Variants in CYP46A1 observed in about 807,000 individuals in gnomAD.
CYP46A1 encodes the protein cholesterol 24-hydroxylase.
CYP46A1 carries 20 observed loss-of-function variants against 63.3 expected under a neutral mutation model. The observed-to-expected ratio is 0.32, with a 90% CI of 0.22 to 0.46. The LOEUF (loss-of-function observed/expected upper bound fraction) is 0.46, where lower values mean the gene tolerates loss of function less well. CYP46A1 is among the 20% of genes least tolerant of loss of function. The pLI, the probability that CYP46A1 is intolerant of heterozygous loss-of-function variation, is 1.00. For missense variants in CYP46A1, 445 were observed against 670.8 expected (o/e 0.66, Z 3.72); for synonymous variants, 268 against 273.6 (o/e 0.98, Z 0.20).
chr14:99,686,770 G>T (rs543269965), intron 1 of CYP46A1, among the ~76,000 whole-genome samples: 1 of 152,182 alleles, frequency 6.6e-6, no homozygotes, highest in South Asian at 2.1e-4. Context: ...AGGGAGCAGT[G>T]GGAGGAAGAT....
At chr14:99,712,011 AT>A (rs1324870457) in intron 7 of CYP46A1, 1 of 152,218 alleles carries the variant, frequency 6.6e-6, no homozygotes, top group East Asian at 1.9e-4. Context: ...TATACATCAT[AT>A]TAACAGGATG....
chr14:99,721,109 A>T, intron 10 of CYP46A1, 130 bp from the exon 11 acceptor site: 1 of 689,538 alleles, frequency 1.5e-6, no homozygotes, highest in Non-Finnish European at 2.6e-6. Context: ...AGCTACAAGT[A>T]ACAGTGTTTG....
At chr14:99,707,704 GACCA>G in intron 7 of CYP46A1, 26 bp downstream of exon 7, 1 of 1,604,434 alleles carries the variant, frequency 6.2e-7, no homozygotes, top group Non-Finnish European at 8.5e-7. Context: ...CCCCTCTGGT[GACCA>G]GCCACCAGAG....
intron 7 of CYP46A1, 96 bp from the exon 8 acceptor site, chr14:99,715,714 T>C (rs753351545): frequency 1.3e-4 from 204 of 1,532,208 alleles, no homozygotes; most frequent in Non-Finnish European, 1.8e-4. Flanking sequence ...CCTCCCAGCT[T>C]GCCAGTGCCG....
rs540821243 is a variant in CYP46A1, at chr14:99,700,113, C to T, written c.443+12C>T. ...GCCTTCAGCCGGAGGTGAGTGTGGCCGGAGGCTCCGTGGCTCCTGCCTGGC... is the reference window on the plus strand; with the variant it reads ...GCCTTCAGCCGGAGGTGAGTGTGGCTGGAGGCTCCGTGGCTCCTGCCTGGC... On this transcript the variant is annotated intron_variant, in intron 5 of 14. Transcript: ENST00000261835. The T allele has an allele frequency of 5.1e-5, 81 of 1,585,002 alleles. No homozygotes were observed. In the South Asian group the frequency reaches 7.6e-4, roughly 15 times the overall value.
At position 99,715,901 on chromosome 14, in the gene CYP46A1, G is replaced by A. The variant is rs151175005; in HGVS notation, c.785G>A (p.Arg262Gln). 72 of 1,613,762 alleles carry A rather than the reference G, an allele frequency of 4.5e-5. No individual in the cohort carries two copies. Among genetic ancestry groups the A allele is most frequent in the Admixed American group, 1.3e-4 (8 of 59,986 alleles). Residue 262 changes from arginine to glutamine, a missense_variant, in exon 8 of 15, where the codon CGG becomes CAG. Physicochemically the swap from Arg to Gln is conservative, Grantham distance 43 (BLOSUM62 1). Coordinates refer to ENST00000261835, the MANE Select transcript of CYP46A1 (RefSeq NM_006668.2). ...QVGRDWVQRR[R>Q]EALKRGEEVP... ...GGCAGGGACTGGGTCCAGCGCCGCC[G>A]GGAAGCCCTGAAGAGGGGCGAGGAG...
At chr14:99,690,764 G>T (rs1157469955) in intron 1 of CYP46A1, among the ~76,000 whole-genome samples, 1 of 152,112 alleles carries the variant, frequency 6.6e-6, no homozygotes, top group Admixed American at 6.5e-5. Flanking sequence ...TGCCCAGCCT[G>T]GTCAGTATTG....
chr14:99,716,648 C>T (rs1169654926), intron 9 of CYP46A1, among the ~76,000 whole-genome samples: 3 of 152,244 alleles, frequency 2.0e-5, no homozygotes, highest in Non-Finnish European at 4.4e-5. Flanking sequence ...GCCTCAGGCA[C>T]TCAGCTAGAA....
chr14:99,721,491 A>G (rs1181047029), intron 11 of CYP46A1, among the ~76,000 whole-genome samples, 168 bp downstream of exon 11: 1 of 152,174 alleles, frequency 6.6e-6, no homozygotes, highest in Non-Finnish European at 1.5e-5. Flanking sequence ...GACTAATGAC[A>G]TCAGAGTCAA....
At position 99,706,452 on chromosome 14, in the gene CYP46A1, T is replaced by C. The variant is rs73350432; in HGVS notation, c.444-195T>C. 3,296 of 608,386 alleles carry C rather than the reference T, an allele frequency of 5.4e-3. 56 individuals carry two copies. The highest frequency in any genetic ancestry group is 0.038 in the African/African-American group (2,054 of 54,038). The allele number at this position is 608,386 out of a possible 1,614,324, so 37.7% of individuals were successfully genotyped here. A position where few individuals can be genotyped will look rare whatever the true frequency, so the allele number is the denominator to read the frequency against. On this transcript the variant is annotated intron_variant, in intron 5 of 14. Transcript: ENST00000261835. The stretch of plus-strand genomic sequence containing the variant: ...AGCATCCATCCTGAGTGGAGGAGAA[T>C]GGTGAAACCCCAGGGTGTAGTTCAG...
intron 5 of CYP46A1, among the ~76,000 whole-genome samples, chr14:99,703,208 G>A (rs527667912): frequency 2.4e-4 from 37 of 152,212 alleles, no homozygotes; most frequent in Non-Finnish European, 5.0e-4. Context: ...TGTTAAGTTT[G>A]CACAGTGGTT....
intron 5 of CYP46A1, among the ~76,000 whole-genome samples, chr14:99,705,587 A>G (rs1283043332): frequency 6.6e-6 from 1 of 152,256 alleles, no homozygotes; most frequent in Non-Finnish European, 1.5e-5. Flanking sequence ...TAAGAATAGG[A>G]CAAAGAATAC....
intron 11 of CYP46A1, 82 bp downstream of exon 11, chr14:99,721,405 A>G (rs1420730279): frequency 1.0e-6 from 1 of 1,004,320 alleles, no homozygotes; most frequent in East Asian, 2.4e-5. Flanking sequence ...ACCTTTCAGG[A>G]CAGTGGTTCT....
chr14:99,719,782 G>A (rs1335451964), intron 10 of CYP46A1, among the ~76,000 whole-genome samples: 9 of 108,004 alleles, frequency 8.3e-5, no homozygotes, highest in Non-Finnish European at 7.2e-5. Flanking sequence ...TTTTTTTTAA[G>A]ACAGAGTCTC....
At chr14:99,705,941 T>A (rs1383597161) in intron 5 of CYP46A1, 5 of 151,954 alleles carry the variant, frequency 3.3e-5, no homozygotes, top group Admixed American at 1.3e-4. Context: ...AATAAATAAA[T>A]AAAAATAACA....
At chr14:99,686,381 C>T (rs2056494490) in intron 1 of CYP46A1, among the ~76,000 whole-genome samples, 1 of 152,178 alleles carries the variant, frequency 6.6e-6, no homozygotes, top group Non-Finnish European at 1.5e-5. Flanking sequence ...AAAATGTATT[C>T]TTTAGTGTAT....
chr14:99,722,675 G>GCC lies in CYP46A1; in HGVS notation c.1176+609_1176+610insCC, dbSNP rs941017822. ...TGTGTGTGTGTGTGTGTGTGTGTGT[G>GCC]TGTGCCTGTGTGCATTCACGCAGTA... On this transcript the variant is annotated intron_variant, in intron 12 of 14. Transcript: ENST00000261835. This position sits in a 1 kb window ranked among gnomAD's most constrained non-coding sequence, Gnocchi z 4.6. Among the ~76,000 whole-genome samples the GCC allele has an allele frequency of 1.3e-5, 2 of 151,400 alleles. No individual in the cohort carries two copies. The highest frequency in any genetic ancestry group is 4.9e-5 in the African/African-American group (2 of 40,956).
Position 99,718,109 on chromosome 14 carries a change from G to A in CYP46A1, c.963G>A (p.Gln321=). 2 of 1,614,142 alleles carry A rather than the reference G, an allele frequency of 1.2e-6. No homozygotes were observed. The highest frequency in any genetic ancestry group is 1.7e-6 in the Non-Finnish European group (2 of 1,179,972). Residue 321 remains glutamine, a synonymous_variant, in exon 10 of 15, where the codon CAG becomes CAA. Coordinates refer to ENST00000261835, the MANE Select transcript of CYP46A1 (RefSeq NM_006668.2). ...TCACAGTGATGGAGCTGTCTCGCCA[G>A]CCAGAGATCGTGGCAAGGTATGGGG... ...LAFTVMELSR[Q]PEIVARLQAE...
intron 4 of CYP46A1, 51 bp from the exon 5 acceptor site, chr14:99,699,964 C>CGGGGGGGGGGGGGG: frequency 5.2e-6 from 4 of 773,846 alleles, no homozygotes; most frequent in Non-Finnish European, 4.2e-6. Context: ...ATCAAGCAGT[C>CGGGGGGGGGGGGGG]GCTCCCCACC....
Sources: allele counts gnomAD v4.1 joint callset (sites outside exome capture counted in the v4.1 genomes callset), GRCh38; gene constraint gnomAD v4.1.1; non-coding constraint Gnocchi (gnomAD v3.1); transcripts MANE v1.5; gene names NCBI Gene and HGNC (gene_info 2026-07-23, HGNC 2026-07-21).